Variants in CELA3A observed in about 807,000 individuals in gnomAD.
CELA3A encodes the protein chymotrypsin like elastase 3A.
In CELA3A, 35 loss-of-function variants were observed where a neutral mutation model predicts 38.6. The ratio of observed to expected loss-of-function variants is 0.91; its 90% CI spans 0.69 to 1.20. The LOEUF is 1.20. Ranked by LOEUF, CELA3A falls within the 50% of genes most tolerant of loss-of-function variation. The pLI, the probability that CELA3A is intolerant of heterozygous loss-of-function variation, is 0.00. For missense variants in CELA3A, 343 were observed against 354.2 expected, an observed-to-expected ratio of 0.97 and a Z score of 0.25; for synonymous variants, 143 against 136.7, an observed-to-expected ratio of 1.05 and a Z score of -0.32.
chr1:22,005,734 C>G lies in CELA3A; in HGVS notation c.300C>G (p.Ile100Met), dbSNP rs1644946078. 2.5e-6 allele frequency: 4 copies of G among 1,612,166 alleles called. No individual in the cohort carries two copies. The African/African-American group carries it at 5.4e-5, about 22-fold the overall frequency. Residue 100 changes from isoleucine (I) to methionine (M), a missense_variant, in exon 4 of 8, where the codon ATC becomes ATG. By Grantham distance (10) the Ile-to-Met change is conservative. Coordinates refer to ENST00000290122, the MANE Select transcript of CELA3A (RefSeq NM_005747.5). ...LAVKEGPEQV[I>M]PINSEELFVH... ...TGAAGGAGGGCCCCGAGCAGGTGAT[C>G]CCCATCAACTCTGAGGAGCTGTTTG...
intron 7 of CELA3A, chr1:22,010,254 C>T: frequency 2.6e-6 from 1 of 379,878 alleles, no homozygotes; most frequent in Non-Finnish European, 5.4e-6. Flanking sequence ...CCCCAGACTT[C>T]ATCTGGGGAT....
chr1:22,010,863 A>T (rs1569877285), intron 7 of CELA3A: 1 of 149,396 alleles, frequency 6.7e-6, no homozygotes, highest in African/African-American at 2.5e-5. Flanking sequence ...GCAGGTCAAA[A>T]CTCACATGCT....
In CELA3A at chr1:22,005,491, T is replaced by C. The variant is rs149530242; in HGVS notation, c.174T>C (p.Cys58=). The C allele has an allele frequency of 1.8e-5, 29 of 1,612,992 alleles. No homozygotes were observed. The African/African-American group carries it at 3.9e-4, about 22-fold the overall frequency. The change falls in exon 3 of 8, where the codon TGT becomes TGC. Residue 58 remains cysteine, a synonymous_variant. Transcript: ENST00000290122. ...YEKSGSFYHT[C]GGSLIAPDWV... ...AAAGTGGAAGCTTCTACCACACGTG[T>C]GGCGGTAGCCTCATCGCCCCCGATT...
intron 2 of CELA3A, among the ~76,000 whole-genome samples, chr1:22,003,852 G>A (rs190206293): frequency 6.7e-6 from 1 of 150,126 alleles, no homozygotes; most frequent in African/African-American, 2.5e-5. Flanking sequence ...TTACAGGCAC[G>A]CGCCACCAAG....
intron 4 of CELA3A, among the ~76,000 whole-genome samples, chr1:22,006,479 A>T (rs1414532515): frequency 1.3e-5 from 2 of 151,230 alleles, no homozygotes; most frequent in Non-Finnish European, 2.9e-5. Context: ...GTGAGCCAAG[A>T]TCATGCCACT....
chr1:22,011,679 G>C (rs1179820377), intron 7 of CELA3A, among the ~76,000 whole-genome samples: 2 of 123,578 alleles, frequency 1.6e-5, no homozygotes, highest in Non-Finnish European at 3.3e-5. Flanking sequence ...AGAATTGCTC[G>C]AACTCAGGAG....
At chr1:22,007,101 C>G (rs568836044) in intron 5 of CELA3A, 87 bp downstream of exon 5, 1 of 1,545,212 alleles carries the variant, frequency 6.5e-7, no homozygotes, top group Non-Finnish European at 8.8e-7. Context: ...ACACCAAGAC[C>G]GGACCTTGTA....
intron 2 of CELA3A, among the ~76,000 whole-genome samples, chr1:22,004,293 G>C (rs980521347): frequency 6.6e-6 from 1 of 150,730 alleles, no homozygotes; most frequent in Admixed American, 6.6e-5. Context: ...GGCTTGCCTC[G>C]AACTTCTGAG....
At chr1:22,001,894 G>T (rs936746363) in intron 1 of CELA3A, among the ~76,000 whole-genome samples, 177 bp downstream of exon 1, 19 of 151,146 alleles carry the variant, frequency 1.3e-4, no homozygotes, top group Admixed American at 1.3e-3. Flanking sequence ...GCAGGAGAGT[G>T]GAGGGGAAGC....
In CELA3A at chr1:22,010,473, C is replaced by T. The variant is rs1261366629; in HGVS notation, c.795+616C>T. Among the ~76,000 whole-genome samples, 23 of 150,778 alleles carry T rather than the reference C, an allele frequency of 1.5e-4. 1 individual carries two copies. Among genetic ancestry groups the T allele is most frequent in the Non-Finnish European group, 2.8e-4 (19 of 67,718 alleles). ...CTCTACTAAAAATACAAAAATTAGC[C>T]GGGCATGGTGGTGGGTGCCTGTAAT... On this transcript the variant is annotated intron_variant, in intron 7 of 7. Coordinates refer to ENST00000290122, the MANE Select transcript of CELA3A (RefSeq NM_005747.5).
At position 22,002,285 on chromosome 1, in the gene CELA3A, C is replaced by T. The variant is rs182613367; in HGVS notation, c.43+568C>T. Among the ~76,000 whole-genome samples the T allele has an allele frequency of 2.8e-4, 42 of 151,412 alleles. 1 individual carries two copies. Among genetic ancestry groups the T allele is most frequent in the Non-Finnish European group, 4.6e-4 (31 of 67,892 alleles). On this transcript the variant is annotated intron_variant, in intron 1 of 7. Coordinates refer to ENST00000290122, the MANE Select transcript of CELA3A (RefSeq NM_005747.5). ...CTCAGGAGATCAGTACTATCATTAT[C>T]CCCCATTTTACTGACCCTCAAGGAA...
chr1:22,003,012 A>G lies in CELA3A; in HGVS notation c.53A>G (p.Tyr18Cys), dbSNP rs1229565294. The change falls in exon 2 of 8, where the codon TAT becomes TGT. Residue 18 changes from tyrosine (Y) to cysteine (C), a missense_variant. Physicochemically the swap from Tyr to Cys is radical, Grantham distance 194 (BLOSUM62 -2). Transcript: ENST00000290122. The stretch of plus-strand genomic sequence containing the variant: ...CTCCTCTCCCCTCTAGCCTCAGGCT[A>G]TGGCCCACCTTCCTCTCACTCTTCC... Reference protein sequence around the residue: ...SLLLVAVASGYGPPSSHSSSR... With the variant: ...SLLLVAVASGCGPPSSHSSSR... 5.1e-6 allele frequency: 8 copies of G among 1,576,134 alleles called. 1 individual carries two copies. The South Asian group carries it at 6.8e-5, about 13-fold the overall frequency.
At chr1:22,005,028 G>C (rs562352898) in intron 2 of CELA3A, among the ~76,000 whole-genome samples, 2 of 150,730 alleles carry the variant, frequency 1.3e-5, no homozygotes, top group African/African-American at 4.9e-5. Flanking sequence ...GAACCCGGGA[G>C]GCGGAGGTTG....
intron 4 of CELA3A, 131 bp from the exon 5 acceptor site, chr1:22,006,747 G>A: frequency 1.2e-6 from 1 of 852,686 alleles, no homozygotes; most frequent in Non-Finnish European, 1.8e-6. Flanking sequence ...TAATAATGAT[G>A]ATGAAAGAGT....
intron 2 of CELA3A, 54 bp from the exon 3 acceptor site, chr1:22,005,393 C>T: frequency 6.3e-7 from 1 of 1,599,618 alleles, no homozygotes; most frequent in South Asian, 1.1e-5. Context: ...CCATTGGTGG[C>T]AACTCTCATG....
At chr1:22,002,894 T>G (rs1644926629) in intron 1 of CELA3A, 109 bp from the exon 2 acceptor site, 3 of 1,000,262 alleles carry the variant, frequency 3.0e-6, no homozygotes, top group Non-Finnish European at 4.5e-6. Flanking sequence ...GAAAGGGGCT[T>G]GCATGGGGTC....
chr1:22,007,244 G>C, intron 5 of CELA3A, 129 bp from the exon 6 acceptor site: 1 of 1,369,998 alleles, frequency 7.3e-7, no homozygotes, highest in Non-Finnish European at 9.9e-7. Flanking sequence ...AAGCATGCAG[G>C]ACCATTTAGC....
Position 22,006,921 on chromosome 1 carries a change from G to A in CELA3A, c.406G>A (p.Gly136Arg). The A allele has an allele frequency of 6.2e-7, 1 of 1,612,326 alleles. No individual in the cohort carries two copies. Among genetic ancestry groups the A allele is most frequent in the South Asian group, 1.1e-5 (1 of 91,010 alleles). Reference sequence around the variant, plus strand: ...CAAGCTCTCACGCAGCGCCCAGCTGGGAGATGCCGTCCAGCTCGCCTCACT... The same window carrying A: ...CAAGCTCTCACGCAGCGCCCAGCTGAGAGATGCCGTCCAGCTCGCCTCACT... ...LIKLSRSAQLGDAVQLASLPP... is the reference protein window; with the variant it reads ...LIKLSRSAQLRDAVQLASLPP... Residue 136 changes from glycine to arginine, a missense_variant, in exon 5 of 8, where the codon GGA (glycine) becomes AGA (arginine). Physicochemically the swap from Gly to Arg is moderately radical, Grantham distance 125 (BLOSUM62 -2). Coordinates refer to ENST00000290122, the MANE Select transcript of CELA3A (RefSeq NM_005747.5).
chr1:22,010,512 G>A lies in CELA3A; in HGVS notation c.795+655G>A, dbSNP rs192744727. On this transcript the variant is annotated intron_variant, in intron 7 of 7. Coordinates refer to ENST00000290122, the MANE Select transcript of CELA3A (RefSeq NM_005747.5). ...GGTGCCTGTAATCCCAGCTGCTTGG[G>A]AGGCTCAGGCAGAGAATTGCTTGAA... 2.4e-4 allele frequency: 54 copies of A among 226,870 alleles called. 1 individual carries two copies. Among genetic ancestry groups the A allele is most frequent in the South Asian group, 1.5e-3 (28 of 18,944 alleles). The allele number at this position is 226,870 out of a possible 1,614,324, so 14.1% of individuals were successfully genotyped here.
Sources: allele counts gnomAD v4.1 joint callset (sites outside exome capture counted in the v4.1 genomes callset), GRCh38; gene constraint gnomAD v4.1.1; transcripts MANE v1.5; gene names NCBI Gene and HGNC (gene_info 2026-07-23, HGNC 2026-07-21).